TNFSF4: variants seen among roughly 807,000 people sequenced by gnomAD.
The protein encoded by TNFSF4 is TNF superfamily member 4, also known as tumor necrosis factor ligand superfamily member 4.
In TNFSF4, 4 loss-of-function variants were observed where a neutral mutation model predicts 7.3. The ratio of observed to expected loss-of-function variants is 0.55; its 90% CI spans 0.27 to 1.25. The LOEUF (loss-of-function observed/expected upper bound fraction) is 1.25, where lower values mean the gene tolerates loss of function less well. Ranked by LOEUF, TNFSF4 falls within the 50% of genes most tolerant of loss-of-function variation. The pLI is 0.12. For missense variants in TNFSF4, 181 were observed against 208.8 expected (o/e 0.87, Z 0.82); for synonymous variants, 76 against 83.7 (o/e 0.91, Z 0.50).
chr1:173,369,435 T>C, the TNFSF4 span, among the ~76,000 whole-genome samples: 17 of 152,328 alleles, frequency 1.1e-4, 1 homozygote, highest in South Asian at 3.3e-3. Flanking sequence ...CTGACCTTCC[T>C]CAGTCCTCTT....
the TNFSF4 span, among the ~76,000 whole-genome samples, chr1:173,407,622 G>A: frequency 4.7e-5 from 7 of 149,620 alleles, no homozygotes; most frequent in Non-Finnish European, 7.4e-5. Flanking sequence ...ATGAATCTGT[G>A]CTGCTGTAGA....
chr1:173,177,718 G>A, the TNFSF4 span, among the ~76,000 whole-genome samples: 1 of 152,034 alleles, frequency 6.6e-6, no homozygotes, highest in East Asian at 1.9e-4. Flanking sequence ...ATATTTACTG[G>A]CCAACTTTAT....
chr1:173,185,947 C>T lies in TNFSF4; in HGVS notation c.*569G>A, dbSNP rs1201773539. 6.6e-6 allele frequency: 1 copy of T among 152,256 alleles called. No homozygotes were observed. The highest frequency in any genetic ancestry group is 1.5e-5 in the Non-Finnish European group (1 of 68,114). 9.4% of individuals were successfully genotyped at this position (152,256 alleles called of 1,614,324 possible). ...AGTCCTGATTTTTCACAAGCTGATTCTTCTTTTGAACCCCCACCAAATGAG... is the reference window on the plus strand; with the variant it reads ...AGTCCTGATTTTTCACAAGCTGATTTTTCTTTTGAACCCCCACCAAATGAG... On this transcript the variant is annotated 3_prime_UTR_variant, in exon 3 of 3. Transcript: ENST00000281834.
chr1:173,330,722 A>C, the TNFSF4 span, among the ~76,000 whole-genome samples: 1 of 152,184 alleles, frequency 6.6e-6, no homozygotes, highest in Non-Finnish European at 1.5e-5. Flanking sequence ...GCATAGTGAA[A>C]GTGCATTGCA....
chr1:173,364,402 T>TATATATATAC, the TNFSF4 span, among the ~76,000 whole-genome samples: 3 of 147,586 alleles, frequency 2.0e-5, no homozygotes, highest in Admixed American at 6.7e-5. Context: ...TATATATATA[T>TATATATATAC]ACACACACAC....
the TNFSF4 span, among the ~76,000 whole-genome samples, chr1:173,328,799 G>C: frequency 6.6e-6 from 1 of 150,388 alleles, no homozygotes; most frequent in Non-Finnish European, 1.5e-5. Flanking sequence ...AACAACTAAA[G>C]AAAAAAAATA....
the TNFSF4 span, among the ~76,000 whole-genome samples, chr1:173,325,205 G>C: frequency 6.6e-6 from 1 of 152,192 alleles, no homozygotes; most frequent in South Asian, 2.1e-4. Context: ...TCAGGATTAA[G>C]AATCTCAGTC....
At chr1:173,232,022 G>C in the TNFSF4 span, among the ~76,000 whole-genome samples, 2 of 152,170 alleles carry the variant, frequency 1.3e-5, no homozygotes, top group Non-Finnish European at 2.9e-5. Context: ...TTGGTAGCTT[G>C]ATGGGGATGG....
intron 1 of TNFSF4, chr1:173,205,598 G>T (rs780239840): frequency 1.7e-6 from 2 of 1,159,002 alleles, no homozygotes; most frequent in Non-Finnish European, 2.1e-6. Context: ...CACTGTGGTT[G>T]TTAGAAAAAG....
chr1:173,430,680 C>T, the TNFSF4 span, among the ~76,000 whole-genome samples: 3 of 152,196 alleles, frequency 2.0e-5, no homozygotes, highest in African/African-American at 7.2e-5. Flanking sequence ...GAGTTGTTCA[C>T]TGCAGGAATT....
the TNFSF4 span, among the ~76,000 whole-genome samples, chr1:173,401,326 G>A: frequency 6.6e-6 from 1 of 152,172 alleles, no homozygotes; most frequent in African/African-American, 2.4e-5. Context: ...TTGGCAAGGG[G>A]TGGACTTGTG....
chr1:173,284,693 T>C, the TNFSF4 span, among the ~76,000 whole-genome samples: 3 of 152,190 alleles, frequency 2.0e-5, no homozygotes, highest in East Asian at 3.9e-4. Flanking sequence ...AGTAAAAATC[T>C]ACTCTCCATG....
chr1:173,212,470 C>T, the TNFSF4 span, among the ~76,000 whole-genome samples: 2 of 151,962 alleles, frequency 1.3e-5, no homozygotes, highest in South Asian at 4.2e-4. Context: ...AAGAATGCAG[C>T]TGTTTTCACC....
chr1:173,398,409 CTTT>C, the TNFSF4 span, among the ~76,000 whole-genome samples: 16 of 101,534 alleles, frequency 1.6e-4, no homozygotes, highest in African/African-American at 5.0e-4. Context: ...TATTTCTTTT[CTTT>C]TTTTTTTTTT....
At chr1:173,359,277 G>C in the TNFSF4 span, among the ~76,000 whole-genome samples, 4 of 151,964 alleles carry the variant, frequency 2.6e-5, 1 homozygote, top group Non-Finnish European at 5.9e-5. Context: ...TTGAATGAAT[G>C]AATTAGTTTC....
the TNFSF4 span, among the ~76,000 whole-genome samples, chr1:173,268,354 G>A: frequency 6.6e-6 from 1 of 152,004 alleles, no homozygotes; most frequent in Non-Finnish European, 1.5e-5. Flanking sequence ...ATATGTAAAG[G>A]AAATATTTAA....
At position 173,188,562 on chromosome 1, in the gene TNFSF4, T is replaced by C. The variant is rs1649333344; in HGVS notation, c.161A>G (p.His54Arg). ...GATACTTTGAATTCGAGGATACCGA[T>C]GTGATACCTGAGGGAGGAAGAAAGA... The part of the protein sequence containing the change: ...CLHFSALQVS[H>R]RYPRIQSIKV... Residue 54 changes from histidine to arginine, a missense_variant, in exon 2 of 3, where the codon CAT becomes CGT. Physicochemically the swap from His to Arg is conservative, Grantham distance 29. Transcript: ENST00000281834. 4 of 1,612,206 alleles carry C rather than the reference T, an allele frequency of 2.5e-6. No individual in the cohort carries two copies. Among genetic ancestry groups the C allele is most frequent in the South Asian group, 1.1e-5 (1 of 90,848 alleles).
At chr1:173,310,534 T>G in the TNFSF4 span, among the ~76,000 whole-genome samples, 1 of 151,870 alleles carries the variant, frequency 6.6e-6, no homozygotes, top group African/African-American at 2.4e-5. Context: ...AATCTTTAAG[T>G]CTTGCTTCAG....
chr1:173,295,511 G>C, the TNFSF4 span, among the ~76,000 whole-genome samples: 1 of 151,954 alleles, frequency 6.6e-6, no homozygotes, highest in Non-Finnish European at 1.5e-5. Context: ...GGACACAACA[G>C]TACTGGCACC....
Sources: gnomAD v4.1 joint callset for allele counts (sites outside exome capture counted in the v4.1 genomes callset) on GRCh38, gnomAD v4.1.1 for gene constraint, MANE v1.5 for transcripts, NCBI Gene and HGNC (gene_info 2026-07-23, HGNC 2026-07-21) for gene names.